The following ADGRL2 variants were observed in gnomAD, a reference collection of about 807,000 sequenced individuals.
ADGRL2 encodes the protein calcium-independent alpha-latrotoxin receptor 2.
In ADGRL2, 44 loss-of-function variants were observed where a neutral mutation model predicts 157.4. The ratio of observed to expected loss-of-function variants is 0.28; its 90% CI spans 0.22 to 0.36. ADGRL2 has a LOEUF of 0.36. ADGRL2 is among the 10% of genes least tolerant of loss of function. The pLI, the probability that ADGRL2 is intolerant of heterozygous loss-of-function variation, is 1.00. For missense variants in ADGRL2, 1,510 were observed against 1,768.9 expected, an observed-to-expected ratio of 0.85 and a Z score of 2.63; for synonymous variants, 585 against 624.7, an observed-to-expected ratio of 0.94 and a Z score of 0.95.
At chr1:81,401,191 T>C (rs575003811) in intron 1 of ADGRL2, among the ~76,000 whole-genome samples, 75 of 152,154 alleles carry the variant, frequency 4.9e-4, no homozygotes, top group Non-Finnish European at 1.0e-3. Flanking sequence ...TGGGTGGCCA[T>C]AGTATTGTTT....
At chr1:81,865,018 A>C (rs538625636) in intron 2 of ADGRL2, among the ~76,000 whole-genome samples, 1 of 151,942 alleles carries the variant, frequency 6.6e-6, no homozygotes, top group East Asian at 1.9e-4. Context: ...AACAAAAAAA[A>C]CCTTACGGCT....
At chr1:81,762,779 G>A (rs889729526) in intron 2 of ADGRL2, among the ~76,000 whole-genome samples, 5 of 151,994 alleles carry the variant, frequency 3.3e-5, no homozygotes, top group South Asian at 2.1e-4. Context: ...AAGGCCAGGC[G>A]CGGTGGCTCA....
chr1:81,399,668 G>A (rs1407747128), intron 1 of ADGRL2, among the ~76,000 whole-genome samples: 1 of 151,940 alleles, frequency 6.6e-6, no homozygotes, highest in Admixed American at 6.5e-5. Context: ...TACATTTCTT[G>A]TTCATACTAT....
At chr1:81,697,133 A>G (rs1282541413), upstream of ADGRL2, among the ~76,000 whole-genome samples, 1 of 152,194 alleles carries the variant, frequency 6.6e-6, no homozygotes, top group Non-Finnish European at 1.5e-5. Flanking sequence ...TCTCTTTAAA[A>G]GTGATTAAGA....
At chr1:81,894,820 G>T (rs2094346633) in intron 2 of ADGRL2, among the ~76,000 whole-genome samples, 1 of 151,960 alleles carries the variant, frequency 6.6e-6, no homozygotes, top group Non-Finnish European at 1.5e-5. Context: ...TTCAGAAAAA[G>T]AAAAGGCTTA....
intron 2 of ADGRL2, among the ~76,000 whole-genome samples, chr1:81,842,972 G>A (rs987654364): frequency 1.3e-5 from 2 of 151,988 alleles, no homozygotes; most frequent in African/African-American, 2.4e-5. Context: ...TTTTAGCAAG[G>A]TACTTGGGGA....
intron 2 of ADGRL2, among the ~76,000 whole-genome samples, chr1:81,904,916 G>C (rs987867131): frequency 3.9e-5 from 6 of 151,998 alleles, no homozygotes; most frequent in Admixed American, 2.0e-4. Context: ...CCAGTCACCT[G>C]TTAAAGGCAC....
chr1:81,700,468 A>C (rs764428276), intron 1 of ADGRL2, among the ~76,000 whole-genome samples: 6 of 152,214 alleles, frequency 3.9e-5, no homozygotes, highest in Non-Finnish European at 8.8e-5. Flanking sequence ...TGTCTCTTAA[A>C]ATAAAACATC....
chr1:81,313,649 A>T (rs912775608), intron 1 of ADGRL2, among the ~76,000 whole-genome samples: 1 of 152,212 alleles, frequency 6.6e-6, no homozygotes, highest in Non-Finnish European at 1.5e-5. Context: ...TCAGACAAAT[A>T]TAAAATTCAT....
Position 81,467,608 on chromosome 1 carries a change from C to T in ADGRL2, c.-248+22519C>T, listed in dbSNP as rs189439879. Among the ~76,000 whole-genome samples, 214 of 152,166 alleles carry T rather than the reference C, an allele frequency of 1.4e-3. 3 individuals carry two copies. Among genetic ancestry groups the T allele is most frequent in the Middle Eastern group, 6.8e-3 (2 of 294 alleles). On this transcript the variant is annotated intron_variant, in intron 2 of 24. Coordinates refer to the ADGRL2 transcript ENST00000370721. Reference sequence around the variant, plus strand: ...AATGGACTTAATAAACTCCATTGTGCGGTTAGATCCCTAGTGAGATTTCCT... The same window carrying T: ...AATGGACTTAATAAACTCCATTGTGTGGTTAGATCCCTAGTGAGATTTCCT...
chr1:81,961,663 A>AATTTTTTTGTATTTTTAGTAG (rs1294152732), intron 11 of ADGRL2, among the ~76,000 whole-genome samples: 3 of 151,650 alleles, frequency 2.0e-5, no homozygotes, highest in African/African-American at 7.3e-5. Context: ...ATGCATCACT[A>AATTTTTTTGTATTTTTAGTAG]CGCCCAGCTA....
In ADGRL2 at chr1:81,562,245, T is replaced by C. The variant is rs2080459804; in HGVS notation, c.-247-18631T>C. 2.0e-5 allele frequency among the ~76,000 whole-genome samples: 3 copies of C among 152,140 alleles called. No homozygotes were observed. The South Asian group carries it at 6.2e-4, about 31-fold the overall frequency. ...GAAAGTGGATAGTTAAAATATAGAT[T>C]GGTTAAAATTGTTTGAGGCTCTTCC... On this transcript the variant is annotated intron_variant, in intron 2 of 24. Transcript: ENST00000370721.
intron 2 of ADGRL2, among the ~76,000 whole-genome samples, chr1:81,464,462 C>G (rs956878847): frequency 6.6e-6 from 1 of 152,094 alleles, no homozygotes; most frequent in East Asian, 1.9e-4. Flanking sequence ...GAAACAAGAG[C>G]ATGAATAATT....
chr1:81,980,112 T>A, intron 18 of ADGRL2, 152 bp downstream of exon 18: 1 of 536,824 alleles, frequency 1.9e-6, no homozygotes, highest in Non-Finnish European at 3.3e-6. Flanking sequence ...TGTTACTATA[T>A]CACTGATACT....
intron 2 of ADGRL2, among the ~76,000 whole-genome samples, chr1:81,447,057 T>A (rs1444328929): frequency 1.3e-5 from 2 of 152,148 alleles, no homozygotes; most frequent in African/African-American, 4.8e-5. Context: ...ATTATAATTT[T>A]TATATTAGTC....
intron 1 of ADGRL2, among the ~76,000 whole-genome samples, chr1:81,390,434 G>A (rs2076519660): frequency 6.6e-6 from 1 of 152,306 alleles, no homozygotes; most frequent in East Asian, 1.9e-4. Context: ...TTGGTATTAA[G>A]GTGAAGATAT....
chr1:81,656,819 G>A (rs1400752507), intron 3 of ADGRL2, among the ~76,000 whole-genome samples: 1 of 151,904 alleles, frequency 6.6e-6, no homozygotes, highest in African/African-American at 2.4e-5. Flanking sequence ...AAAACAGCCT[G>A]GGCAACATGG....
At chr1:81,518,232 C>T (rs1239862123) in intron 2 of ADGRL2, among the ~76,000 whole-genome samples, 1 of 152,188 alleles carries the variant, frequency 6.6e-6, no homozygotes, top group Non-Finnish European at 1.5e-5. Flanking sequence ...AGATAAGCAC[C>T]TCAGAAACAA....
At chr1:81,389,996 A>G (rs1031524938) in intron 1 of ADGRL2, among the ~76,000 whole-genome samples, 9 of 152,106 alleles carry the variant, frequency 5.9e-5, no homozygotes, top group Non-Finnish European at 1.3e-4. Context: ...AAGATCTGAT[A>G]ATACAGGTTG....
Sources: allele counts gnomAD v4.1 joint callset (sites outside exome capture counted in the v4.1 genomes callset), GRCh38; gene constraint gnomAD v4.1.1; transcripts MANE v1.5; gene names NCBI Gene and HGNC (gene_info 2026-07-23, HGNC 2026-07-21).